Variants in TTC28 observed in about 807,000 individuals in gnomAD.
TTC28 encodes the protein tetratricopeptide repeat domain 28, also known as tetratricopeptide repeat protein 28.
A neutral mutation model predicts 198.0 loss-of-function variants in TTC28; 61 were observed. The ratio of observed to expected loss-of-function variants is 0.31; its 90% CI spans 0.25 to 0.38. The LOEUF (loss-of-function observed/expected upper bound fraction) is 0.38, where lower values mean the gene tolerates loss of function less well. Ranked by LOEUF, TTC28 falls within the 10% of genes least tolerant of loss-of-function variation. The probability of loss-of-function intolerance (pLI) is 1.00; values close to 1 mark genes in which losing one functional copy is unlikely to be tolerated. For missense variants in TTC28, 2,678 were observed against 3,164.0 expected (o/e 0.85, Z 3.69); for synonymous variants, 1,171 against 1,297.8 (o/e 0.90, Z 2.10).
chr22:28,624,523 C>T (rs1280603486), intron 2 of TTC28, among the ~76,000 whole-genome samples: 1 of 152,058 alleles, frequency 6.6e-6, no homozygotes, highest in African/African-American at 2.4e-5. Context: ...GAAACAATTA[C>T]CAAAACTGAT....
At chr22:28,351,406 T>C (rs867984185) in intron 2 of TTC28, among the ~76,000 whole-genome samples, 2 of 152,224 alleles carry the variant, frequency 1.3e-5, no homozygotes, top group Non-Finnish European at 2.9e-5. Context: ...TAGTCTTCTA[T>C]TGTTTCAGCC....
intron 1 of TTC28, among the ~76,000 whole-genome samples, chr22:28,635,498 A>G (rs180812713): frequency 4.3e-4 from 66 of 152,330 alleles, no homozygotes; most frequent in Middle Eastern, 6.8e-3. Flanking sequence ...GGATGTCAAC[A>G]TATATTAACA....
intron 2 of TTC28, among the ~76,000 whole-genome samples, chr22:28,516,814 C>G (rs1369612155): frequency 1.3e-5 from 2 of 151,830 alleles, no homozygotes; most frequent in African/African-American, 4.8e-5. Flanking sequence ...TGTGAAGTAA[C>G]AGATATGTTA....
intron 2 of TTC28, among the ~76,000 whole-genome samples, chr22:28,439,872 G>A (rs1407329299): frequency 6.6e-6 from 1 of 151,388 alleles, no homozygotes; most frequent in Non-Finnish European, 1.5e-5. Context: ...TTTTGTTCTT[G>A]TTGCCCAGGC....
At chr22:28,657,878 A>C (rs1458683334) in intron 1 of TTC28, among the ~76,000 whole-genome samples, 1 of 152,068 alleles carries the variant, frequency 6.6e-6, no homozygotes, top group East Asian at 1.9e-4. Flanking sequence ...GCAACACTCC[A>C]TCTAAAAAAA....
chr22:27,983,437 C>G lies in TTC28; in HGVS notation c.6230G>C (p.Cys2077Ser). 2 of 1,548,746 alleles carry G rather than the reference C, an allele frequency of 1.3e-6. No homozygotes were observed. Among genetic ancestry groups the G allele is most frequent in the Non-Finnish European group, 1.7e-6 (2 of 1,146,376 alleles). Residue 2077 changes from cysteine to serine, a missense_variant, in exon 23 of 23, where the codon TGC (cysteine) becomes TCC (serine). This residue lies in a region of TTC28 where 622 missense variants were observed against 656.0 expected (regional missense o/e 0.95). Coordinates refer to ENST00000397906, the MANE Select transcript of TTC28 (RefSeq NM_001145418.2). Reference sequence around the variant, plus strand: ...GGGTTGTTTGTGGTCTGGTGAGAAGCATGTGTTTCGGTTTTCTTGGTAGGT... The same window carrying G: ...GGGTTGTTTGTGGTCTGGTGAGAAGGATGTGTTTCGGTTTTCTTGGTAGGT... ...LATYQENRNT[C>S]FSPDHKQPQP...
At chr22:28,678,253 T>C in intron 1 of TTC28, among the ~76,000 whole-genome samples, 1 of 152,236 alleles carries the variant, frequency 6.6e-6, no homozygotes, top group East Asian at 1.9e-4. Flanking sequence ...TTCATTGTGT[T>C]ATCCAGGCTG....
intron 5 of TTC28, among the ~76,000 whole-genome samples, chr22:28,215,023 A>G (rs1179259866): frequency 9.9e-5 from 15 of 152,192 alleles, no homozygotes; most frequent in Admixed American, 9.8e-4. Context: ...TAAGCAAACT[A>G]AAGCAAGGAC....
In TTC28 at chr22:27,998,992, A is replaced by G; in HGVS notation, c.4667T>C (p.Leu1556Ser). ...GCCGTCCATGCTGGGCGTGAGGACC[A>G]AGGCCGACAGCTTCCAGGAGATGTG... Reference protein sequence around the residue: ...ATHISWKLSALVLTPSMDGNP... With the variant: ...ATHISWKLSASVLTPSMDGNP... Residue 1556 changes from leucine (L) to serine (S), a missense_variant, in exon 16 of 23, where the codon TTG (leucine) becomes TCG (serine). Around this residue, in one of 8 missense-constraint regions of TTC28, gnomAD observed 727 missense variants for 861.9 expected, o/e 0.84. Transcript: ENST00000397906. 6.4e-7 allele frequency: 1 copy of G among 1,550,684 alleles called. No individual in the cohort carries two copies. The highest frequency in any genetic ancestry group is 8.7e-7 in the Non-Finnish European group (1 of 1,147,000).
chr22:28,300,010 C>G (rs996890759), intron 3 of TTC28, among the ~76,000 whole-genome samples: 1 of 152,160 alleles, frequency 6.6e-6, no homozygotes, highest in African/African-American at 2.4e-5. Context: ...GGCAGCATAA[C>G]CATTGCAACC....
intron 2 of TTC28, among the ~76,000 whole-genome samples, chr22:28,572,468 C>G (rs911553324): frequency 6.6e-6 from 1 of 152,014 alleles, no homozygotes; most frequent in African/African-American, 2.4e-5. Flanking sequence ...TGAAAATGAA[C>G]AAATTATGAC....
intron 8 of TTC28, among the ~76,000 whole-genome samples, chr22:28,102,110 CCTGATAGTTAAATA>C (rs1174550686): frequency 1.3e-5 from 2 of 152,190 alleles, no homozygotes; most frequent in Non-Finnish European, 2.9e-5. Flanking sequence ...CAAAGCTCTT[CCTGATAGTTAAATA>C]CAGAAGGCAA....
At chr22:28,461,698 G>C (rs1480376356) in intron 2 of TTC28, among the ~76,000 whole-genome samples, 1 of 152,082 alleles carries the variant, frequency 6.6e-6, no homozygotes, top group African/African-American at 2.4e-5. Context: ...CAAAGTGCTG[G>C]GATTACAGGC....
chr22:28,434,254 C>A (rs1393886795), intron 2 of TTC28, among the ~76,000 whole-genome samples: 1 of 152,138 alleles, frequency 6.6e-6, no homozygotes, highest in Admixed American at 6.5e-5. Flanking sequence ...TAAAGGTTTA[C>A]TGTGTTAGAG....
intron 5 of TTC28, among the ~76,000 whole-genome samples, chr22:28,286,549 T>G (rs1349782274): frequency 6.6e-6 from 1 of 152,208 alleles, no homozygotes; most frequent in Non-Finnish European, 1.5e-5. Flanking sequence ...AGTATAAATC[T>G]ACGAGAATAC....
At chr22:28,589,870 T>C (rs574875751) in intron 2 of TTC28, among the ~76,000 whole-genome samples, 259 of 151,482 alleles carry the variant, frequency 1.7e-3, no homozygotes, top group African/African-American at 5.7e-3. Context: ...AAACCCCGTC[T>C]CTACTAAAAA....
chr22:28,105,800 G>A lies in TTC28; in HGVS notation c.2786C>T (p.Ala929Val). ...AYRGLGNGHR[A>V]MGSLQQALVC... is the part of the protein sequence containing the mutation. Reference sequence around the variant, plus strand: ...AAGGGCTTGCTGCAAGCTCCCCATTGCCCTGTGGGGATGTAGACAGAAAAG... The same window carrying A: ...AAGGGCTTGCTGCAAGCTCCCCATTACCCTGTGGGGATGTAGACAGAAAAG... Residue 929 changes from alanine to valine, a missense_variant and splice_region_variant, in exon 8 of 23, where the codon GCA becomes GTA. Transcript: ENST00000397906. The A allele has an allele frequency of 6.5e-7, 1 of 1,548,034 alleles. No homozygotes were observed. The highest frequency in any genetic ancestry group is 8.7e-7 in the Non-Finnish European group (1 of 1,145,560).
intron 14 of TTC28, among the ~76,000 whole-genome samples, chr22:28,008,994 C>T (rs988229137): frequency 2.0e-5 from 3 of 152,224 alleles, no homozygotes; most frequent in Admixed American, 1.3e-4. Flanking sequence ...ACCACAGACA[C>T]AAACAGGTCC....
At chr22:28,261,755 A>C (rs1003735227) in intron 5 of TTC28, among the ~76,000 whole-genome samples, 2 of 152,138 alleles carry the variant, frequency 1.3e-5, no homozygotes, top group African/African-American at 4.8e-5. Context: ...GGGTCTCGCT[A>C]TATTGCTGAG....
Sources: allele counts gnomAD v4.1 joint callset (sites outside exome capture counted in the v4.1 genomes callset), GRCh38; gene constraint gnomAD v4.1.1; regional missense constraint gnomAD v4.1.1; transcripts MANE v1.5; gene names NCBI Gene and HGNC (gene_info 2026-07-23, HGNC 2026-07-21).